The following GULP1 variants were observed in gnomAD, a reference collection of about 807,000 sequenced individuals.
GULP1 encodes the protein PTB domain-containing engulfment adapter protein 1.
A neutral mutation model predicts 40.9 loss-of-function variants in GULP1; 19 were observed. The observed-to-expected ratio is 0.46, with a 90% CI of 0.32 to 0.68. GULP1 has a LOEUF of 0.68. Ranked by LOEUF, GULP1 falls within the 30% of genes least tolerant of loss-of-function variation. GULP1 has a pLI of 0.03. For missense variants in GULP1, 312 were observed against 362.2 expected, an observed-to-expected ratio of 0.86 and a Z score of 1.12; for synonymous variants, 119 against 117.6, an observed-to-expected ratio of 1.01 and a Z score of -0.08.
chr2:188,507,348 T>G (rs1210310894), intron 4 of GULP1, among the ~76,000 whole-genome samples: 1 of 151,756 alleles, frequency 6.6e-6, no homozygotes, highest in Non-Finnish European at 1.5e-5. Context: ...CACCTGAATA[T>G]TCACTAAACG....
At chr2:188,508,151 A>G (rs998107174) in intron 4 of GULP1, among the ~76,000 whole-genome samples, 7 of 151,974 alleles carry the variant, frequency 4.6e-5, no homozygotes, top group African/African-American at 1.7e-4. Context: ...TTAAAAGGCC[A>G]AGGAAAATCA....
chr2:188,307,426 C>T (rs1178640197), intron 1 of GULP1, among the ~76,000 whole-genome samples: 7 of 148,882 alleles, frequency 4.7e-5, no homozygotes, highest in African/African-American at 1.7e-4. Context: ...TGAGATACAT[C>T]TCCTTTTTCG....
chr2:188,580,155 G>T (rs965068333), intron 9 of GULP1, among the ~76,000 whole-genome samples: 1 of 152,164 alleles, frequency 6.6e-6, no homozygotes, highest in African/African-American at 2.4e-5. Context: ...TAATTAAAAG[G>T]TGGCTACCAA....
chr2:188,563,907 T>C (rs1468678149), intron 7 of GULP1, among the ~76,000 whole-genome samples: 1 of 151,888 alleles, frequency 6.6e-6, no homozygotes, highest in African/African-American at 2.4e-5. Flanking sequence ...AGTCCAGCAA[T>C]ATATAAAATA....
chr2:188,303,023 C>T (rs1168770195), intron 1 of GULP1, among the ~76,000 whole-genome samples: 1 of 152,114 alleles, frequency 6.6e-6, no homozygotes, highest in Non-Finnish European at 1.5e-5. Flanking sequence ...TATGATGGTC[C>T]TGAATAAAGT....
chr2:188,444,636 T>G (rs1463469778), intron 2 of GULP1, among the ~76,000 whole-genome samples: 1 of 152,228 alleles, frequency 6.6e-6, no homozygotes, highest in Non-Finnish European at 1.5e-5. Flanking sequence ...GCCCACATTG[T>G]ATCATAGTAA....
chr2:188,523,692 C>T (rs1685425701), intron 5 of GULP1, among the ~76,000 whole-genome samples: 1 of 152,030 alleles, frequency 6.6e-6, no homozygotes, highest in Non-Finnish European at 1.5e-5. Context: ...CTGAGTGTGC[C>T]AGGCAAAGTC....
At chr2:188,535,564 C>G (rs1688722826) in intron 6 of GULP1, among the ~76,000 whole-genome samples, 1 of 152,098 alleles carries the variant, frequency 6.6e-6, no homozygotes, top group Admixed American at 6.6e-5. Flanking sequence ...ATATGTACCA[C>G]ATTTTCTTTA....
At chr2:188,405,630 T>C (rs13427070) in intron 2 of GULP1, among the ~76,000 whole-genome samples, 26,606 of 152,154 alleles carry the variant, frequency 0.17, 2,401 homozygotes, top group East Asian at 0.24. Flanking sequence ...ACAGAACCTT[T>C]AACAGCTCCA....
At chr2:188,581,794 A>G (rs964321108) in intron 9 of GULP1, among the ~76,000 whole-genome samples, 1 of 152,196 alleles carries the variant, frequency 6.6e-6, no homozygotes, top group African/African-American at 2.4e-5. Flanking sequence ...ACAAGTCACA[A>G]AGAATCTGTG....
chr2:188,569,393 T>C (rs1308007917), intron 8 of GULP1, 38 bp downstream of exon 8: 1 of 1,034,710 alleles, frequency 9.7e-7, no homozygotes, highest in Admixed American at 1.7e-5. Context: ...ATTTGTGTGA[T>C]GTAAGTACAG....
At chr2:188,387,008 G>C (rs957897498) in intron 2 of GULP1, among the ~76,000 whole-genome samples, 1 of 151,950 alleles carries the variant, frequency 6.6e-6, no homozygotes, top group South Asian at 2.1e-4. Flanking sequence ...AGGCCAAGTC[G>C]GTGGATTAAC....
intron 3 of GULP1, among the ~76,000 whole-genome samples, chr2:188,482,847 C>G (rs1040731858): frequency 2.0e-5 from 3 of 151,456 alleles, no homozygotes; most frequent in Admixed American, 6.6e-5. Context: ...GAGAGAAGAC[C>G]TTCAATCAGT....
intron 1 of GULP1, among the ~76,000 whole-genome samples, chr2:188,321,146 C>T (rs879280579): frequency 1.3e-5 from 2 of 152,102 alleles, no homozygotes; most frequent in Non-Finnish European, 2.9e-5. Flanking sequence ...GGTTAAATCA[C>T]TTCCTTTGAA....
chr2:188,448,458 G>C (rs1337221091), intron 2 of GULP1, among the ~76,000 whole-genome samples: 4 of 152,104 alleles, frequency 2.6e-5, no homozygotes, highest in African/African-American at 9.7e-5. Context: ...CACGTGATGA[G>C]AATTGAATTT....
intron 5 of GULP1, among the ~76,000 whole-genome samples, chr2:188,528,254 G>A (rs1363927400): frequency 6.6e-6 from 1 of 151,964 alleles, no homozygotes; most frequent in Non-Finnish European, 1.5e-5. Context: ...TATATATGTT[G>A]TGTTTGTGCC....
At chr2:188,492,830 A>C (rs1309950501) in intron 4 of GULP1, among the ~76,000 whole-genome samples, 1 of 152,178 alleles carries the variant, frequency 6.6e-6, no homozygotes, top group East Asian at 1.9e-4. Flanking sequence ...TATGAAAGTC[A>C]TTAAGTGTTT....
chr2:188,350,835 A>T (rs2044354657), intron 1 of GULP1, among the ~76,000 whole-genome samples: 1 of 152,164 alleles, frequency 6.6e-6, no homozygotes, highest in Non-Finnish European at 1.5e-5. Flanking sequence ...CGTAGATGTC[A>T]GCAAATATTT....
intron 2 of GULP1, among the ~76,000 whole-genome samples, chr2:188,462,064 A>G (rs2152967047): frequency 6.6e-6 from 1 of 152,164 alleles, no homozygotes; most frequent in South Asian, 2.1e-4. Flanking sequence ...AGTCACTTAC[A>G]GCTATAAACT....
Sources: gnomAD v4.1 joint callset for allele counts (sites outside exome capture counted in the v4.1 genomes callset) on GRCh38, gnomAD v4.1.1 for gene constraint, MANE v1.5 for transcripts, NCBI Gene and HGNC (gene_info 2026-07-23, HGNC 2026-07-21) for gene names.